The following PYGL variants were observed in gnomAD, a reference collection of about 807,000 sequenced individuals.
PYGL encodes the protein glycogen phosphorylase L.
In PYGL, 90 loss-of-function variants were observed where a neutral mutation model predicts 100.1. The ratio of observed to expected loss-of-function variants is 0.90; its 90% CI spans 0.76 to 1.07. The LOEUF is 1.07. Ranked by LOEUF, PYGL falls within the 50% of genes least tolerant of loss-of-function variation. The pLI, the probability that PYGL is intolerant of heterozygous loss-of-function variation, is 0.00. For missense variants in PYGL, 1,016 were observed against 1,057.6 expected (o/e 0.96, Z 0.55); for synonymous variants, 373 against 393.0 (o/e 0.95, Z 0.60).
intron 3 of PYGL, among the ~76,000 whole-genome samples, chr14:50,932,639 G>C (rs1009665596): frequency 5.3e-5 from 8 of 152,122 alleles, no homozygotes; most frequent in Non-Finnish European, 8.8e-5. Context: ...AAGCATTTTT[G>C]CTAGGTTTTC....
chr14:50,908,039 A>AT (rs1376646492), intron 19 of PYGL: 1 of 359,578 alleles, frequency 2.8e-6, no homozygotes, highest in Non-Finnish European at 5.1e-6. Flanking sequence ...AAAAAAAAAA[A>AT]AATTACAACT....
chr14:50,924,266 T>C (rs2050527614), intron 4 of PYGL, among the ~76,000 whole-genome samples, 166 bp from the exon 5 acceptor site: 3 of 152,358 alleles, frequency 2.0e-5, no homozygotes, highest in Admixed American at 2.0e-4. Flanking sequence ...TAATACTCGC[T>C]AATACAGCTC....
intron 6 of PYGL, 50 bp downstream of exon 6, chr14:50,920,906 A>C (rs1348665468): frequency 6.5e-7 from 1 of 1,538,448 alleles, no homozygotes; most frequent in African/African-American, 1.4e-5. Context: ...ACTACCAATC[A>C]AAAAGATTAA....
chr14:50,911,347 G>T (rs533070604), intron 16 of PYGL, among the ~76,000 whole-genome samples: 116 of 152,310 alleles, frequency 7.6e-4, no homozygotes, highest in Non-Finnish European at 1.2e-3. Context: ...TTCTCACAGG[G>T]TGACCAAAGA....
chr14:50,929,399 A>G (rs2050583360), intron 4 of PYGL, among the ~76,000 whole-genome samples: 3 of 152,022 alleles, frequency 2.0e-5, no homozygotes. Context: ...GTCTTTCTTT[A>G]TTTTTCTTTT....
In PYGL at chr14:50,912,423, A is replaced by T. The variant is rs555062036; in HGVS notation, c.1621-120T>A. On this transcript the variant is annotated intron_variant, in intron 13 of 19. Coordinates refer to ENST00000216392, the MANE Select transcript of PYGL (RefSeq NM_002863.5). The stretch of plus-strand genomic sequence containing the variant: ...GCCCAGGCTGGAGTGCAGTGGCATG[A>T]TCTCAGATCACCGCAGCCTCCACCT... 43 of 1,283,788 alleles carry T rather than the reference A, an allele frequency of 3.3e-5. No homozygotes were observed. The African/African-American group carries it at 5.9e-4, about 18-fold the overall frequency. 79.5% of individuals were successfully genotyped at this position (1,283,788 alleles called of 1,614,324 possible). A position where few individuals can be genotyped will look rare whatever the true frequency, so the allele number is the denominator to read the frequency against.
intron 4 of PYGL, among the ~76,000 whole-genome samples, chr14:50,926,081 A>T (rs750605493): frequency 6.6e-6 from 1 of 152,226 alleles, no homozygotes; most frequent in Non-Finnish European, 1.5e-5. Context: ...AACTTCCGCT[A>T]TCCCAGTCAT....
intron 7 of PYGL, among the ~76,000 whole-genome samples, chr14:50,917,893 C>T (rs2050468449): frequency 6.6e-6 from 1 of 152,180 alleles, no homozygotes; most frequent in African/African-American, 2.4e-5. Flanking sequence ...GCTGCCCTGT[C>T]TTTACCTGGT....
rs113993980 is a variant in PYGL, at chr14:50,914,748, G to A, written c.1471C>T (p.Arg491Cys). 28 of 1,613,894 alleles carry A rather than the reference G, an allele frequency of 1.7e-5. No homozygotes were observed. Among genetic ancestry groups the A allele is most frequent in the African/African-American group, 8.0e-5 (6 of 74,912 alleles). The change falls in exon 12 of 20, where the codon CGC becomes TGC. Residue 491 changes from arginine to cysteine, a missense_variant. By Grantham distance (180) the Arg-to-Cys change is radical. Coordinates refer to ENST00000216392, the MANE Select transcript of PYGL (RefSeq NM_002863.5). ...CCTGGGTTGCAGAGTAGGAGCCAGC[G>A]CCTTGGAGTGATCCCATTGGTTTTA... ...QNKTNGITPR[R>C]WLLLCNPGLA...
chr14:50,912,272 T>G lies in PYGL; in HGVS notation c.1652A>C (p.Glu551Ala). ...GTTGATCTTCACTTTGTACTCCGTC[T>G]CCAGGAACTGAGAAAACTTCAGCTT... Reference protein sequence around the residue: ...ENKLKFSQFLETEYKVKINPS... With the variant: ...ENKLKFSQFLATEYKVKINPS... Residue 551 changes from glutamate (E) to alanine (A), a missense_variant, in exon 14 of 20, where the codon GAG becomes GCG. By Grantham distance (107) the Glu-to-Ala change is moderately radical. Transcript: ENST00000216392. The G allele has an allele frequency of 1.2e-6, 2 of 1,614,140 alleles. No individual in the cohort carries two copies. Among genetic ancestry groups the G allele is most frequent in the Non-Finnish European group, 1.7e-6 (2 of 1,179,966 alleles).
intron 1 of PYGL, among the ~76,000 whole-genome samples, chr14:50,943,140 T>G (rs1380335268): frequency 2.0e-5 from 3 of 152,200 alleles, no homozygotes; most frequent in Non-Finnish European, 4.4e-5. Flanking sequence ...TAAATGTTTA[T>G]ATATATTTCC....
chr14:50,921,257 G>A (rs11157783), intron 5 of PYGL, 190 bp from the exon 6 acceptor site: 55 of 591,162 alleles, frequency 9.3e-5, no homozygotes, highest in Middle Eastern at 4.6e-4. Context: ...GTTCCTCCCC[G>A]ACCTGGTACA....
chr14:50,913,256 G>A (rs2050416334), intron 12 of PYGL, 126 bp from the exon 13 acceptor site: 2 of 774,092 alleles, frequency 2.6e-6, no homozygotes, highest in Non-Finnish European at 4.5e-6. Flanking sequence ...CAGAACATGG[G>A]ATAGTTTGAC....
chr14:50,905,300 A>G lies in PYGL; in HGVS notation c.*92T>C, dbSNP rs2050319273. 4.6e-6 allele frequency: 6 copies of G among 1,301,392 alleles called. No individual in the cohort carries two copies. The allele number at this position is 1,301,392 out of a possible 1,614,324, so 80.6% of individuals were successfully genotyped here. ...ATTCCCAGAGATACTCAACTATTAT[A>G]GATTATTAGCTAACAAAACAAAAAC... On this transcript the variant is annotated 3_prime_UTR_variant, in exon 20 of 20. Transcript: ENST00000216392.
chr14:50,910,170 T>C, intron 16 of PYGL, 68 bp from the exon 17 acceptor site: 4 of 1,484,182 alleles, frequency 2.7e-6, no homozygotes, highest in Non-Finnish European at 3.8e-6. Context: ...TATTGAAGCA[T>C]TTATTAAGTT....
rs538202594 is a variant in PYGL at position 50,942,830 on chromosome 14, A to G, written c.243+1331T>C. ...AGAGTGAGACTCTGTCTCAAACAAA[A>G]CAAAACAAAACAAAACAAAACAAAA... On this transcript the variant is annotated intron_variant, in intron 1 of 19. Coordinates refer to ENST00000216392, the MANE Select transcript of PYGL (RefSeq NM_002863.5). 4.3e-3 allele frequency among the ~76,000 whole-genome samples: 635 copies of G among 148,612 alleles called. 25 individuals are homozygous for G. The highest frequency in any genetic ancestry group is 0.015 in the African/African-American group (604 of 41,100).
chr14:50,913,425 A>G lies in PYGL; in HGVS notation c.1519-295T>C, dbSNP rs914022122. 5.6e-5 allele frequency: 9 copies of G among 159,856 alleles called. No individual in the cohort carries two copies. The South Asian group carries it at 1.8e-3, about 32-fold the overall frequency. 9.9% of individuals were successfully genotyped at this position (159,856 alleles called of 1,614,324 possible). On this transcript the variant is annotated intron_variant, in intron 12 of 19. Transcript: ENST00000216392. The stretch of plus-strand genomic sequence containing the variant: ...CTCGCTCTGTCGCCCAGGCTGGAGT[A>G]CAGTGGCACGATCTCGGCTCACTGC...
intron 1 of PYGL, among the ~76,000 whole-genome samples, chr14:50,938,568 C>T (rs556069079): frequency 6.6e-6 from 1 of 152,288 alleles, no homozygotes; most frequent in East Asian, 1.9e-4. Context: ...GCCTCAAATT[C>T]TTGTGCGAGA....
intron 16 of PYGL, among the ~76,000 whole-genome samples, chr14:50,910,805 G>A (rs375966467): frequency 3.3e-4 from 50 of 152,236 alleles, no homozygotes; most frequent in African/African-American, 1.1e-3. Flanking sequence ...AGGGAAATAA[G>A]CCACACGTAA....
Sources: gnomAD v4.1 joint callset for allele counts (sites outside exome capture counted in the v4.1 genomes callset) on GRCh38, gnomAD v4.1.1 for gene constraint, MANE v1.5 for transcripts, NCBI Gene and HGNC (gene_info 2026-07-23, HGNC 2026-07-21) for gene names.